Variants in B4GALNT3 observed in about 807,000 individuals in gnomAD.
B4GALNT3 encodes the protein beta-1,4-N-acetyl-galactosaminyltransferase 3.
B4GALNT3 carries 86 observed loss-of-function variants against 120.2 expected under a neutral mutation model. The ratio of observed to expected loss-of-function variants is 0.72; its 90% CI spans 0.60 to 0.86. The LOEUF (loss-of-function observed/expected upper bound fraction) is 0.86. Among genes scored for constraint, B4GALNT3 ranks in the 40% least tolerant of loss-of-function variants. B4GALNT3 has a pLI of 0.00. For synonymous variants in B4GALNT3, 518 were observed against 510.4 expected (o/e 1.01, Z -0.20); for missense variants, 1,167 against 1,298.9 (o/e 0.90, Z 1.56).
At chr12:560,196 C>T (rs1019447246) in intron 19 of B4GALNT3, among the ~76,000 whole-genome samples, 2 of 152,080 alleles carry the variant, frequency 1.3e-5, no homozygotes, top group Non-Finnish European at 2.9e-5. Flanking sequence ...GGGAGGGTAC[C>T]CTTCAGAAGG....
At chr12:560,785 A>G (rs551167729) in intron 19 of B4GALNT3, among the ~76,000 whole-genome samples, 7 of 152,244 alleles carry the variant, frequency 4.6e-5, no homozygotes, top group African/African-American at 1.7e-4. Context: ...AGGCTCAGGC[A>G]TCCAGTTCGG....
chr12:557,900 C>T (rs1947177139), intron 16 of B4GALNT3, 116 bp from the exon 17 acceptor site: 2 of 1,466,200 alleles, frequency 1.4e-6, no homozygotes, highest in Admixed American at 3.6e-5. Context: ...GAGGGCTCAC[C>T]TGCCCATAAT....
At chr12:485,861 C>T (rs1235990402) in intron 1 of B4GALNT3, among the ~76,000 whole-genome samples, 1 of 152,116 alleles carries the variant, frequency 6.6e-6, no homozygotes, top group Non-Finnish European at 1.5e-5. Context: ...TCTTAGATTC[C>T]TCAGAGAAGG....
chr12:520,414 A>G (rs1277501774), intron 1 of B4GALNT3, among the ~76,000 whole-genome samples: 1 of 152,240 alleles, frequency 6.6e-6, no homozygotes, highest in Non-Finnish European at 1.5e-5. Context: ...TGCCATAGCC[A>G]GACCACATAT....
chr12:493,962 G>A (rs1946366890), intron 1 of B4GALNT3, among the ~76,000 whole-genome samples: 1 of 152,162 alleles, frequency 6.6e-6, no homozygotes, highest in African/African-American at 2.4e-5. Context: ...TAATGACATA[G>A]GTCATCATTA....
intron 1 of B4GALNT3, among the ~76,000 whole-genome samples, chr12:470,824 C>T (rs1304146606): frequency 6.6e-6 from 1 of 152,084 alleles, no homozygotes; most frequent in Non-Finnish European, 1.5e-5. Flanking sequence ...CTCTAACCTA[C>T]GTCCCCCAGG....
chr12:475,721 A>C (rs1223055388), intron 1 of B4GALNT3, among the ~76,000 whole-genome samples: 1 of 152,102 alleles, frequency 6.6e-6, no homozygotes, highest in Non-Finnish European at 1.5e-5. Context: ...TGTTGCACCT[A>C]AGTTTTCTGA....
At chr12:558,686 G>C (rs1344403165) in intron 18 of B4GALNT3, 25 bp downstream of exon 18, 1 of 1,610,690 alleles carries the variant, frequency 6.2e-7, no homozygotes, top group Non-Finnish European at 8.5e-7. Context: ...GACTGGGGAG[G>C]GAGGAAAGAC....
chr12:496,327 C>T (rs1326812342), intron 1 of B4GALNT3, among the ~76,000 whole-genome samples: 1 of 152,126 alleles, frequency 6.6e-6, no homozygotes, highest in Admixed American at 6.6e-5. Flanking sequence ...TACAATTCAG[C>T]GGTGGCACAT....
At chr12:538,760 G>C (rs1420913571) in intron 3 of B4GALNT3, among the ~76,000 whole-genome samples, 1 of 152,032 alleles carries the variant, frequency 6.6e-6, no homozygotes, top group African/African-American at 2.4e-5. Context: ...GAAGGTCCTG[G>C]AGAGGCCAAA....
intron 1 of B4GALNT3, among the ~76,000 whole-genome samples, chr12:501,321 G>A (rs998692878): frequency 3.9e-5 from 6 of 152,194 alleles, no homozygotes; most frequent in African/African-American, 9.7e-5. Flanking sequence ...GTTGTGAAAT[G>A]TAAGTGTGTA....
rs1946857404 is a variant in B4GALNT3 at position 536,203 on chromosome 12, T to C, written c.274-15T>C. 2.5e-6 allele frequency: 4 copies of C among 1,610,970 alleles called. No homozygotes were observed. In the Middle Eastern group the frequency reaches 5.0e-4, roughly 200 times the overall value. The stretch of plus-strand genomic sequence containing the variant: ...CTAATATTCCTACCAACTTCGTTCT[T>C]CATTCTTCCCCTAGGACCACGACAT... On this transcript the variant is annotated splice_polypyrimidine_tract_variant and intron_variant, in intron 2 of 19. Transcript: ENST00000266383.
At chr12:554,622 C>G (rs1947125577) in intron 14 of B4GALNT3, among the ~76,000 whole-genome samples, 1 of 151,166 alleles carries the variant, frequency 6.6e-6, no homozygotes, top group South Asian at 2.1e-4. Flanking sequence ...AACCCCGTCT[C>G]TACTAAAAAT....
chr12:484,121 G>A (rs78020068), intron 1 of B4GALNT3, among the ~76,000 whole-genome samples: 9,834 of 152,240 alleles, frequency 0.065, 430 homozygotes, highest in African/African-American at 0.12. Context: ...GACTTTTCAG[G>A]TGACACCTTC....
At position 460,047 on chromosome 12, in the gene B4GALNT3, A is replaced by G. The variant is rs1592003859; in HGVS notation, c.-330A>G. 6.9e-6 allele frequency among the ~76,000 whole-genome samples: 1 copy of G among 145,362 alleles called. No individual in the cohort carries two copies. Among genetic ancestry groups the G allele is most frequent in the South Asian group, 2.2e-4 (1 of 4,614 alleles). On this transcript the variant is annotated 5_prime_UTR_variant, in exon 1 of 20. Transcript: ENST00000266383. The surrounding 1 kb of genome is among the most constrained non-coding windows in gnomAD (Gnocchi z 8.0). ...CGGGGAAGCCTCCTTCTGGGCAGCG[A>G]GTGAGGGCGGGCGCGCAGGGAGGGA...
intron 1 of B4GALNT3, among the ~76,000 whole-genome samples, chr12:521,078 G>A (rs1293637437): frequency 4.6e-5 from 7 of 152,056 alleles, no homozygotes; most frequent in Non-Finnish European, 8.8e-5. Flanking sequence ...TCACACCCCC[G>A]GTTCAGGAAG....
chr12:473,926 G>A (rs1319417643), intron 1 of B4GALNT3, among the ~76,000 whole-genome samples: 1 of 152,216 alleles, frequency 6.6e-6, no homozygotes, highest in African/African-American at 2.4e-5. Context: ...CTTGGAGGAT[G>A]AGGGGGCTCT....
chr12:480,457 C>CTGGTTCCTGAGGTCCCTT, intron 1 of B4GALNT3, among the ~76,000 whole-genome samples: 1 of 2,390 alleles, frequency 4.2e-4, no homozygotes, highest in African/African-American at 4.8e-4. Flanking sequence ...CCCTCTGACC[C>CTGGTTCCTGAGGTCCCTT]TGACATTACG....
At chr12:523,838 G>A (rs558942341) in intron 1 of B4GALNT3, among the ~76,000 whole-genome samples, 161 of 152,266 alleles carry the variant, frequency 1.1e-3, no homozygotes, top group Non-Finnish European at 1.6e-3. Context: ...TGAGACAGGC[G>A]GCTCACGAGG....
Sources: gnomAD v4.1 joint callset for allele counts (sites outside exome capture counted in the v4.1 genomes callset) on GRCh38, gnomAD v4.1.1 for gene constraint, Gnocchi (gnomAD v3.1) non-coding constraint, MANE v1.5 for transcripts, NCBI Gene and HGNC (gene_info 2026-07-23, HGNC 2026-07-21) for gene names.